Variants in KLC1 observed in about 807,000 individuals in gnomAD.
KLC1 encodes the protein kinesin light chain 1.
KLC1 carries 30 observed loss-of-function variants against 84.2 expected under a neutral mutation model. The ratio of observed to expected loss-of-function variants is 0.36; its 90% CI spans 0.27 to 0.48. The LOEUF is 0.48. Among genes scored for constraint, KLC1 ranks in the 20% least tolerant of loss-of-function variants. The pLI, the probability that KLC1 is intolerant of heterozygous loss-of-function variation, is 0.99. For synonymous variants in KLC1, 289 were observed against 293.3 expected (o/e 0.99, Z 0.15); for missense variants, 499 against 805.4 (o/e 0.62, Z 4.60).
At chr14:103,640,467 T>TCTC (rs2077401486) in intron 1 of KLC1, among the ~76,000 whole-genome samples, 1 of 151,976 alleles carries the variant, frequency 6.6e-6, no homozygotes, top group Non-Finnish European at 1.5e-5. Flanking sequence ...TTCACGCCAT[T>TCTC]CTCCTGCCTC....
At chr14:103,642,463 C>G (rs1217822587) in intron 1 of KLC1, among the ~76,000 whole-genome samples, 1 of 152,042 alleles carries the variant, frequency 6.6e-6, no homozygotes, top group Non-Finnish European at 1.5e-5. Context: ...TGATATTTTT[C>G]CCATGGTTAA....
At chr14:103,643,131 G>GT (rs1224798094) in intron 1 of KLC1, among the ~76,000 whole-genome samples, 2 of 152,176 alleles carry the variant, frequency 1.3e-5, no homozygotes, top group Non-Finnish European at 2.9e-5. Flanking sequence ...ACAAATATCT[G>GT]TAAGTCCATA....
chr14:103,670,683 A>G (rs2080303083), intron 7 of KLC1, among the ~76,000 whole-genome samples: 1 of 151,970 alleles, frequency 6.6e-6, no homozygotes, highest in Non-Finnish European at 1.5e-5. Context: ...TTGAGAAATA[A>G]CCACTGTGAT....
intron 1 of KLC1, among the ~76,000 whole-genome samples, chr14:103,645,384 C>T: frequency 6.6e-6 from 1 of 152,182 alleles, no homozygotes; most frequent in Non-Finnish European, 1.5e-5. Context: ...TGGTCATCTC[C>T]CAGGTTCCCC....
chr14:103,629,996 C>T (rs984518758), intron 1 of KLC1, among the ~76,000 whole-genome samples: 1 of 152,124 alleles, frequency 6.6e-6, no homozygotes, highest in African/African-American at 2.4e-5. Flanking sequence ...CCACCCCCGC[C>T]TCTCCCGGCA....
At chr14:103,700,514 A>G (rs2083083697) in intron 15 of KLC1, 141 bp from the exon 16 acceptor site, 1 of 608,408 alleles carries the variant, frequency 1.6e-6, no homozygotes, top group Admixed American at 3.2e-5. Context: ...CTCTGGCCAG[A>G]TGGAGGCTGC....
chr14:103,662,952 G>C (rs1202383947), intron 5 of KLC1, 25 bp downstream of exon 5: 1 of 1,493,484 alleles, frequency 6.7e-7, no homozygotes, highest in Admixed American at 2.0e-5. Context: ...TTTACCTACT[G>C]AATTTTACCT....
chr14:103,647,917 G>T (rs1351872513), intron 1 of KLC1, among the ~76,000 whole-genome samples: 1 of 151,254 alleles, frequency 6.6e-6, no homozygotes, highest in Non-Finnish European at 1.5e-5. Context: ...TTCTGTCCCA[G>T]TGGGTAGTTT....
At chr14:103,678,488 C>T (rs1417219029) in intron 12 of KLC1, among the ~76,000 whole-genome samples, 1 of 151,860 alleles carries the variant, frequency 6.6e-6, no homozygotes, top group East Asian at 1.9e-4. Flanking sequence ...AGTTGGAAAC[C>T]AGCCTGGGCA....
At chr14:103,646,413 A>G (rs2077929919) in intron 1 of KLC1, among the ~76,000 whole-genome samples, 1 of 152,024 alleles carries the variant, frequency 6.6e-6, no homozygotes, top group Non-Finnish European at 1.5e-5. Flanking sequence ...CCATCTTCCC[A>G]CTTCAGCCTC....
Position 103,677,403 on chromosome 14 carries a change from G to T in KLC1, c.1380-12G>T, listed in dbSNP as rs745949927. 2.0e-6 allele frequency: 3 copies of T among 1,519,618 alleles called. No homozygotes were observed. The highest frequency in any genetic ancestry group is 2.7e-6 in the Non-Finnish European group (3 of 1,094,030). 94.1% of individuals were successfully genotyped at this position (1,519,618 alleles called of 1,614,324 possible). On this transcript the variant is annotated splice_polypyrimidine_tract_variant and intron_variant, in intron 11 of 16. Coordinates refer to ENST00000334553, the MANE Select transcript of KLC1 (RefSeq NM_001394837.1). ...TATGTCATAGTTCTGTATGTCATGT[G>T]CTTTCTTACAGTCCAACTGTTACAA...
chr14:103,630,745 A>G (rs1193898653), intron 1 of KLC1, among the ~76,000 whole-genome samples: 1 of 152,230 alleles, frequency 6.6e-6, no homozygotes, highest in Non-Finnish European at 1.5e-5. Flanking sequence ...TAGGAATACA[A>G]TGATACTAAG....
chr14:103,675,494 A>C, intron 9 of KLC1, 58 bp from the exon 10 acceptor site: 1 of 1,473,114 alleles, frequency 6.8e-7, no homozygotes, highest in Non-Finnish European at 9.4e-7. Flanking sequence ...AGAGCAGTTC[A>C]GATTTTGGAG....
At chr14:103,684,307 T>G (rs2081604707) in intron 13 of KLC1, among the ~76,000 whole-genome samples, 1 of 152,242 alleles carries the variant, frequency 6.6e-6, no homozygotes, top group Non-Finnish European at 1.5e-5. Context: ...CATTATCCTA[T>G]TAATCCTGCT....
intron 15 of KLC1, chr14:103,699,406 C>CTCACGCAGCG (rs1567048592): frequency 6.2e-7 from 1 of 1,612,294 alleles, no homozygotes; most frequent in Non-Finnish European, 8.5e-7. Context: ...CACTGCTCAG[C>CTCACGCAGCG]TCACGCAGCG....
chr14:103,630,916 T>G (rs556863484), intron 1 of KLC1, among the ~76,000 whole-genome samples: 1 of 152,202 alleles, frequency 6.6e-6, no homozygotes, highest in African/African-American at 2.4e-5. Flanking sequence ...GGTGGTAACC[T>G]CTAACCCTAC....
At chr14:103,684,776 C>G (rs2081645014) in intron 13 of KLC1, 4 of 563,966 alleles carry the variant, frequency 7.1e-6, no homozygotes, top group Admixed American at 3.0e-5. Context: ...AATGAATCTT[C>G]TGTGTTCTGC....
chr14:103,660,597 T>G (rs1230022229), intron 3 of KLC1, among the ~76,000 whole-genome samples: 1 of 152,202 alleles, frequency 6.6e-6, no homozygotes, highest in South Asian at 2.1e-4. Context: ...AAGACCAGCC[T>G]GGCCAACATA....
intron 7 of KLC1, among the ~76,000 whole-genome samples, chr14:103,671,951 T>C (rs771560109): frequency 3.3e-5 from 5 of 152,188 alleles, no homozygotes; most frequent in Non-Finnish European, 7.3e-5. Context: ...TTCATTCATA[T>C]ATTTACCCTT....
Sources: gnomAD v4.1 joint callset for allele counts (sites outside exome capture counted in the v4.1 genomes callset) on GRCh38, gnomAD v4.1.1 for gene constraint, MANE v1.5 for transcripts, NCBI Gene and HGNC (gene_info 2026-07-23, HGNC 2026-07-21) for gene names.